The following LRMDA variants were observed in gnomAD, a reference collection of about 807,000 sequenced individuals.
LRMDA encodes leucine rich melanocyte differentiation associated, also known as leucine-rich melanocyte differentiation-associated protein.
Under a neutral mutation model 29.8 loss-of-function variants are expected in LRMDA, and 18 were observed. That is an observed-to-expected ratio of 0.60 (90% confidence interval 0.42 to 0.90). The LOEUF (loss-of-function observed/expected upper bound fraction) is 0.90. Ranked by LOEUF, LRMDA falls within the 40% of genes least tolerant of loss-of-function variation. LRMDA has a pLI of 0.00. For synonymous variants in LRMDA, 125 were observed against 109.4 expected (o/e 1.14, Z -0.89); for missense variants, 273 against 273.9 (o/e 1.00, Z 0.02).
intron 5 of LRMDA, among the ~76,000 whole-genome samples, chr10:76,165,647 G>C (rs1161622008): frequency 6.6e-6 from 1 of 152,244 alleles, no homozygotes; most frequent in Non-Finnish European, 1.5e-5. Context: ...CATGGCAGAA[G>C]AGGATGCAAA....
At chr10:76,127,330 CA>C (rs1849901530) in intron 5 of LRMDA, among the ~76,000 whole-genome samples, 1 of 152,200 alleles carries the variant, frequency 6.6e-6, no homozygotes, top group South Asian at 2.1e-4. Context: ...CACTCTTAAC[CA>C]ACTTGCATTT....
intron 2 of LRMDA, among the ~76,000 whole-genome samples, chr10:75,702,619 A>T (rs540718291): frequency 9.2e-5 from 14 of 152,340 alleles, no homozygotes; most frequent in South Asian, 2.1e-4. Context: ...AAGGGAAAAA[A>T]ACCCCACAAA....
rs12264170 is a variant in LRMDA, at chr10:76,166,014, G to A, written c.516+107231G>A. On this transcript the variant is annotated intron_variant, in intron 5 of 6. Transcript: ENST00000611255. ...TATTCAGTGGGAATACAGAGGGAAAGAAGAAATAATGAAGTAAACAATGAT... is the reference window on the plus strand; with the variant it reads ...TATTCAGTGGGAATACAGAGGGAAAAAAGAAATAATGAAGTAAACAATGAT... Among the ~76,000 whole-genome samples, 1,031 of 152,312 alleles carry A rather than the reference G, an allele frequency of 6.8e-3. 11 individuals are homozygous for A. Among genetic ancestry groups the A allele is most frequent in the African/African-American group, 0.023 (954 of 41,568 alleles).
At chr10:75,434,649 C>T (rs1844244889) in intron 1 of LRMDA, among the ~76,000 whole-genome samples, 1 of 152,210 alleles carries the variant, frequency 6.6e-6, no homozygotes, top group Non-Finnish European at 1.5e-5. Context: ...TGCAGTAGCG[C>T]AATCATAGCT....
chr10:76,333,834 A>C (rs750840781), intron 6 of LRMDA, among the ~76,000 whole-genome samples: 1 of 152,238 alleles, frequency 6.6e-6, no homozygotes, highest in Non-Finnish European at 1.5e-5. Flanking sequence ...TTGCAAACAC[A>C]ATAGACCGAA....
At chr10:75,801,755 G>A (rs1124372) in intron 2 of LRMDA, among the ~76,000 whole-genome samples, 118,506 of 152,084 alleles carry the variant, frequency 0.78, 46,725 homozygotes, top group East Asian at 0.98. Context: ...GAGAGATAAG[G>A]AGCTGTCGAA....
intron 2 of LRMDA, among the ~76,000 whole-genome samples, chr10:75,901,963 G>A (rs1845681465): frequency 6.6e-6 from 1 of 152,064 alleles, no homozygotes; most frequent in Non-Finnish European, 1.5e-5. Flanking sequence ...CCAGCCTCAG[G>A]GTTTTGACCC....
chr10:76,014,141 T>TA lies in LRMDA; in HGVS notation c.132-21866dup, dbSNP rs1159809403. On this transcript the variant is annotated intron_variant, in intron 2 of 6. Transcript: ENST00000611255. The stretch of plus-strand genomic sequence containing the variant: ...ATATATATAATTATATATATATATA[T>TA]ATAATTATATATATATATAATTATA... 3.3e-4 allele frequency among the ~76,000 whole-genome samples: 32 copies of TA among 96,716 alleles called. No individual in the cohort carries two copies. The East Asian group carries it at 7.2e-3, about 22-fold the overall frequency. The allele number at this position is 96,716 out of a possible 152,430, so 63.4% of individuals were successfully genotyped here. A position where few individuals can be genotyped will look rare whatever the true frequency, so the allele number is the denominator to read the frequency against.
chr10:75,496,582 A>G (rs1004803028), intron 2 of LRMDA, among the ~76,000 whole-genome samples: 1 of 152,172 alleles, frequency 6.6e-6, no homozygotes, highest in East Asian at 1.9e-4. Flanking sequence ...GATGTTTTTC[A>G]GGAACACAGG....
chr10:75,662,791 A>G (rs1036902471), intron 2 of LRMDA, among the ~76,000 whole-genome samples: 1 of 152,064 alleles, frequency 6.6e-6, no homozygotes, highest in African/African-American at 2.4e-5. Context: ...TAGTTTTGGT[A>G]TTTGGGTATG....
chr10:76,470,047 GA>G (rs1281337113), intron 6 of LRMDA, among the ~76,000 whole-genome samples: 3 of 151,192 alleles, frequency 2.0e-5, no homozygotes, highest in South Asian at 4.2e-4. Flanking sequence ...CAAAGTGCTG[GA>G]AAAAAAATAA....
chr10:75,662,194 A>C (rs1219800810), intron 2 of LRMDA, among the ~76,000 whole-genome samples: 1 of 152,144 alleles, frequency 6.6e-6, no homozygotes, highest in Non-Finnish European at 1.5e-5. Flanking sequence ...TGCAAAGTGT[A>C]AAGTTGTATG....
At chr10:75,715,227 T>C (rs1383967291) in intron 2 of LRMDA, among the ~76,000 whole-genome samples, 1 of 152,210 alleles carries the variant, frequency 6.6e-6, no homozygotes, top group Non-Finnish European at 1.5e-5. Flanking sequence ...TCCAAATCTC[T>C]TGGACTTTTC....
At chr10:76,056,851 A>G (rs1177756264) in intron 4 of LRMDA, among the ~76,000 whole-genome samples, 1 of 152,068 alleles carries the variant, frequency 6.6e-6, no homozygotes, top group Non-Finnish European at 1.5e-5. Context: ...ACCTGGGAGC[A>G]GGGGCTCCTG....
At chr10:76,085,823 C>T (rs73281601) in intron 5 of LRMDA, among the ~76,000 whole-genome samples, 8,852 of 152,186 alleles carry the variant, frequency 0.058, 668 homozygotes, top group African/African-American at 0.17. Flanking sequence ...GCTTCCTCCC[C>T]GCTCTCCCTC....
intron 2 of LRMDA, among the ~76,000 whole-genome samples, chr10:75,803,024 C>T (rs1843786085): frequency 6.7e-6 from 1 of 149,504 alleles, no homozygotes; most frequent in African/African-American, 2.5e-5. Context: ...CTTTCACTCT[C>T]TCCTTCCTCC....
chr10:75,935,720 G>A (rs1291428050), intron 2 of LRMDA, among the ~76,000 whole-genome samples: 2 of 152,292 alleles, frequency 1.3e-5, no homozygotes, highest in African/African-American at 4.8e-5. Flanking sequence ...TGCAGGTGTG[G>A]GTAATTAGTG....
At chr10:76,349,718 A>G (rs1018074828) in intron 6 of LRMDA, among the ~76,000 whole-genome samples, 1 of 152,164 alleles carries the variant, frequency 6.6e-6, no homozygotes, top group African/African-American at 2.4e-5. Flanking sequence ...CCAAGGTTGT[A>G]GAGCAACAAA....
At chr10:75,930,530 T>C (rs1846189837) in intron 2 of LRMDA, among the ~76,000 whole-genome samples, 1 of 152,206 alleles carries the variant, frequency 6.6e-6, no homozygotes, top group Non-Finnish European at 1.5e-5. Flanking sequence ...CATTCGATGA[T>C]GGTGATGATC....
Sources: gnomAD v4.1 joint callset for allele counts (sites outside exome capture counted in the v4.1 genomes callset) on GRCh38, gnomAD v4.1.1 for gene constraint, MANE v1.5 for transcripts, NCBI Gene and HGNC (gene_info 2026-07-23, HGNC 2026-07-21) for gene names.